Variants in NXPH1 observed in about 807,000 individuals in gnomAD.
NXPH1 encodes the protein neurexophilin 1, also known as neurexophilin-1.
Under a neutral mutation model 23.7 loss-of-function variants are expected in NXPH1, and 5 were observed. The ratio of observed to expected loss-of-function variants is 0.21; its 90% confidence interval spans 0.11 to 0.44. The LOEUF (loss-of-function observed/expected upper bound fraction) is 0.44. Among genes scored for constraint, NXPH1 ranks in the 20% least tolerant of loss-of-function variants. The probability of loss-of-function intolerance (pLI) is 0.99; values close to 1 mark genes in which losing one functional copy is unlikely to be tolerated. For missense variants in NXPH1, 324 were observed against 321.6 expected (o/e 1.01, Z -0.06); for synonymous variants, 144 against 122.2 (o/e 1.18, Z -1.18).
intron 2 of NXPH1, among the ~76,000 whole-genome samples, chr7:8,731,672 A>C (rs6463836): frequency 0.65 from 98,834 of 152,036 alleles, 33,597 homozygotes; most frequent in African/African-American, 0.86. Context: ...GGGTCAGGGA[A>C]CCAGTTGAAG....
chr7:8,484,937 T>C (rs1354993964), intron 2 of NXPH1, among the ~76,000 whole-genome samples: 1 of 152,110 alleles, frequency 6.6e-6, no homozygotes, highest in Admixed American at 6.6e-5. Context: ...TAATTGTGAG[T>C]CTGGAGCATA....
intron 2 of NXPH1, among the ~76,000 whole-genome samples, chr7:8,472,863 C>T (rs899545785): frequency 1.3e-5 from 2 of 152,170 alleles, no homozygotes; most frequent in Non-Finnish European, 2.9e-5. Flanking sequence ...GGTTTTAGCA[C>T]CTAGTCCTGG....
chr7:8,690,811 C>A (rs182613728), intron 2 of NXPH1, among the ~76,000 whole-genome samples: 2 of 152,270 alleles, frequency 1.3e-5, no homozygotes, highest in East Asian at 3.9e-4. Context: ...TTTGTGACAT[C>A]CCTGCCAACA....
intron 2 of NXPH1, among the ~76,000 whole-genome samples, chr7:8,501,212 C>G (rs1381231297): frequency 1.3e-5 from 2 of 152,046 alleles, no homozygotes; most frequent in Non-Finnish European, 2.9e-5. Flanking sequence ...TATAATGTGG[C>G]TATCAGTTCT....
chr7:8,619,283 T>C (rs1353470379), intron 2 of NXPH1, among the ~76,000 whole-genome samples: 4 of 152,192 alleles, frequency 2.6e-5, no homozygotes, highest in African/African-American at 2.4e-5. Context: ...TTGGTTCAGA[T>C]TGGCCTCTAA....
chr7:8,724,974 T>G lies in NXPH1; in HGVS notation c.55-26034T>G, dbSNP rs576049413. Among the ~76,000 whole-genome samples the G allele has an allele frequency of 1.6e-4, 25 of 152,320 alleles. No individual in the cohort carries two copies. The South Asian group carries it at 5.2e-3, about 32-fold the overall frequency. ...GCTTGTGGACAGCAGCAGCATCTGA[T>G]TCCAAATCTGGCAGTAACTGGTTAA... On this transcript the variant is annotated intron_variant, in intron 2 of 2. Transcript: ENST00000405863.
chr7:8,484,145 G>A (rs1365919660), intron 2 of NXPH1, among the ~76,000 whole-genome samples: 3 of 151,992 alleles, frequency 2.0e-5, no homozygotes, highest in Non-Finnish European at 4.4e-5. Flanking sequence ...CAATCACAAT[G>A]TTCATACTGG....
At chr7:8,715,417 T>C (rs1779861739) in intron 2 of NXPH1, among the ~76,000 whole-genome samples, 1 of 152,086 alleles carries the variant, frequency 6.6e-6, no homozygotes, top group Admixed American at 6.5e-5. Context: ...CTTCTGAAGG[T>C]GCTTTTATTG....
chr7:8,648,542 C>A, intron 2 of NXPH1, among the ~76,000 whole-genome samples: 1 of 152,202 alleles, frequency 6.6e-6, no homozygotes, highest in East Asian at 1.9e-4. Context: ...ATACACACCA[C>A]ATTTTCTTTA....
chr7:8,446,333 C>A (rs766318687), intron 2 of NXPH1, among the ~76,000 whole-genome samples: 1 of 152,130 alleles, frequency 6.6e-6, no homozygotes. Context: ...AAGGTAACAT[C>A]TAAGTACATA....
chr7:8,666,598 A>G (rs930487949), intron 2 of NXPH1, among the ~76,000 whole-genome samples: 3 of 152,110 alleles, frequency 2.0e-5, no homozygotes, highest in African/African-American at 7.2e-5. Context: ...GAAGACTTCA[A>G]AAACATTGGT....
At chr7:8,513,760 A>C (rs1293417490) in intron 2 of NXPH1, among the ~76,000 whole-genome samples, 1 of 152,044 alleles carries the variant, frequency 6.6e-6, no homozygotes, top group Admixed American at 6.6e-5. Flanking sequence ...AGAACCACCT[A>C]TGTCCTATGG....
At chr7:8,506,627 G>T (rs1203797476) in intron 2 of NXPH1, among the ~76,000 whole-genome samples, 2 of 151,980 alleles carry the variant, frequency 1.3e-5, no homozygotes, top group Non-Finnish European at 2.9e-5. Flanking sequence ...AAATAAATTT[G>T]ATTTGAGTGG....
At chr7:8,445,105 C>G (rs150624765) in intron 2 of NXPH1, among the ~76,000 whole-genome samples, 1 of 152,270 alleles carries the variant, frequency 6.6e-6, no homozygotes, top group East Asian at 1.9e-4. Context: ...GTGGAGAGCT[C>G]TTTTATTTAT....
intron 2 of NXPH1, among the ~76,000 whole-genome samples, chr7:8,587,578 T>G (rs1819004485): frequency 6.6e-6 from 1 of 152,146 alleles, no homozygotes; most frequent in African/African-American, 2.4e-5. Flanking sequence ...GGTGGTTTGT[T>G]GCACCCATCA....
chr7:8,460,715 A>C (rs1222876889), intron 2 of NXPH1, among the ~76,000 whole-genome samples: 1 of 152,244 alleles, frequency 6.6e-6, no homozygotes, highest in East Asian at 1.9e-4. Context: ...CTTAATGGAA[A>C]GTAGAAAGAA....
chr7:8,656,958 T>G (rs56270660), intron 2 of NXPH1, among the ~76,000 whole-genome samples: 4,256 of 152,322 alleles, frequency 0.028, 204 homozygotes, highest in African/African-American at 0.097. Flanking sequence ...CAGCAATGGA[T>G]TTTTTATTTT....
chr7:8,521,206 T>G (rs1817765051), intron 2 of NXPH1, among the ~76,000 whole-genome samples: 1 of 152,122 alleles, frequency 6.6e-6, no homozygotes, highest in African/African-American at 2.4e-5. Flanking sequence ...CTCAGACAAG[T>G]TAGAGCCACT....
chr7:8,513,062 G>A (rs910891473), intron 2 of NXPH1, among the ~76,000 whole-genome samples: 2 of 152,034 alleles, frequency 1.3e-5, no homozygotes, highest in Admixed American at 6.6e-5. Flanking sequence ...GAGTCAATAT[G>A]AGAATTACTA....
Sources: gnomAD v4.1 joint callset for allele counts (sites outside exome capture counted in the v4.1 genomes callset) on GRCh38, gnomAD v4.1.1 for gene constraint, MANE v1.5 for transcripts, NCBI Gene and HGNC (gene_info 2026-07-23, HGNC 2026-07-21) for gene names.